Variants in IL1RAPL1 observed in about 807,000 individuals in gnomAD.
The protein encoded by IL1RAPL1 is interleukin-1 receptor accessory protein-like 1.
IL1RAPL1 carries 3 observed loss-of-function variants against 48.4 expected under a neutral mutation model. That is an observed-to-expected ratio of 0.06 (90% CI 0.03 to 0.16). The LOEUF is 0.16. IL1RAPL1 is among the 10% of genes least tolerant of loss of function. The pLI is 1.00. For synonymous variants in IL1RAPL1, 185 were observed against 187.7 expected (o/e 0.99, Z 0.12); for missense variants, 349 against 530.6 (o/e 0.66, Z 3.36).
intron 6 of IL1RAPL1, among the ~76,000 whole-genome samples, chrX:29,788,070 C>T (rs149261672): frequency 0.038 from 4,097 of 109,033 alleles, 162 homozygotes; most frequent in African/African-American, 0.13. Flanking sequence ...TACTGACAGA[C>T]AGTAAGTGCA....
chrX:29,221,603 C>A (rs1602119269), intron 2 of IL1RAPL1, among the ~76,000 whole-genome samples: 1 of 93,780 alleles, frequency 1.1e-5, no homozygotes. Flanking sequence ...GCCAAAGGAG[C>A]AATGTATACA....
intron 2 of IL1RAPL1, among the ~76,000 whole-genome samples, chrX:28,884,178 A>T (rs1922574500): frequency 8.9e-6 from 1 of 111,955 alleles, no homozygotes; most frequent in Non-Finnish European, 1.9e-5. Flanking sequence ...AGTATAATTT[A>T]AAAAATAAAT....
chrX:29,011,586 A>G lies in IL1RAPL1; in HGVS notation c.82+222161A>G, dbSNP rs1018131737. Among the ~76,000 whole-genome samples, 3 of 112,427 alleles carry G rather than the reference A, an allele frequency of 2.7e-5. No homozygotes were observed. The East Asian group carries it at 8.4e-4, about 31-fold the overall frequency. ...AACTGCAAACTAATCTGTAGTGACA[A>G]ACAACAGATCGGTGGTTGCCTAAAG... On this transcript the variant is annotated intron_variant, in intron 2 of 10. Transcript: ENST00000378993.
intron 2 of IL1RAPL1, among the ~76,000 whole-genome samples, chrX:28,937,883 T>C (rs1471194679): frequency 9.0e-6 from 1 of 110,925 alleles, no homozygotes; most frequent in African/African-American, 3.3e-5. Context: ...ACAGCCCAGC[T>C]GAGAGCCAAA....
At chrX:28,765,699 T>G (rs566725620) in intron 1 of IL1RAPL1, among the ~76,000 whole-genome samples, 23 of 111,925 alleles carry the variant, frequency 2.1e-4, no homozygotes, top group Middle Eastern at 4.7e-3. Context: ...ATTCTTACAC[T>G]GACTTAAAAA....
At chrX:28,971,732 A>C (rs1386557440) in intron 2 of IL1RAPL1, among the ~76,000 whole-genome samples, 1 of 111,387 alleles carries the variant, frequency 9.0e-6, no homozygotes, top group African/African-American at 3.3e-5. Context: ...GTGTGTGTTC[A>C]AGAGGAAGGT....
chrX:29,874,120 G>A (rs190664284), intron 6 of IL1RAPL1, among the ~76,000 whole-genome samples: 91 of 111,241 alleles, frequency 8.2e-4, no homozygotes, highest in African/African-American at 2.9e-3. Flanking sequence ...CTTCATTTTG[G>A]TGGATTTTGG....
In IL1RAPL1 at chrX:29,331,072, C is replaced by T. The variant is rs556698383; in HGVS notation, c.362+47855C>T. Among the ~76,000 whole-genome samples the T allele has an allele frequency of 6.3e-5, 7 of 111,022 alleles. No homozygotes were observed. The South Asian group carries it at 1.5e-3, about 24-fold the overall frequency. The stretch of plus-strand genomic sequence containing the variant: ...ATCCCAGCTACTCGGGAGGTTGAGG[C>T]GGGAGAATCGCTTCAACCCAGGAGG... On this transcript the variant is annotated intron_variant, in intron 3 of 10. Coordinates refer to ENST00000378993, the MANE Select transcript of IL1RAPL1 (RefSeq NM_014271.4).
intron 2 of IL1RAPL1, among the ~76,000 whole-genome samples, chrX:29,076,267 T>C (rs1927668300): frequency 8.9e-6 from 1 of 112,062 alleles, no homozygotes; most frequent in Admixed American, 9.5e-5. Context: ...ATTTATCTTC[T>C]TCTACCCTTC....
chrX:29,627,337 T>G (rs150753547), intron 5 of IL1RAPL1, among the ~76,000 whole-genome samples: 3,043 of 112,273 alleles, frequency 0.027, 97 homozygotes, highest in African/African-American at 0.094. Flanking sequence ...TGGTTTTGGT[T>G]TTCCAGAAAG....
intron 2 of IL1RAPL1, among the ~76,000 whole-genome samples, chrX:29,189,724 T>G: frequency 8.9e-6 from 1 of 111,879 alleles, no homozygotes; most frequent in Non-Finnish European, 1.9e-5. Context: ...GTTCATAAAT[T>G]ACTTGAATCA....
At chrX:29,465,332 T>C (rs1296586357) in intron 5 of IL1RAPL1, among the ~76,000 whole-genome samples, 1 of 111,226 alleles carries the variant, frequency 9.0e-6, no homozygotes, top group African/African-American at 3.3e-5. Flanking sequence ...CTTGAGCCCA[T>C]GAGGTTGAGG....
intron 3 of IL1RAPL1, among the ~76,000 whole-genome samples, chrX:29,341,088 G>C (rs1220062524): frequency 8.9e-6 from 1 of 111,817 alleles, no homozygotes; most frequent in Non-Finnish European, 1.9e-5. Context: ...TACTATTCCT[G>C]TGTTCCTAGT....
At chrX:29,813,549 T>TAAAAAATGAAA in intron 6 of IL1RAPL1, among the ~76,000 whole-genome samples, 1 of 111,954 alleles carries the variant, frequency 8.9e-6, no homozygotes, top group Non-Finnish European at 1.9e-5. Context: ...ATTTTCTTAA[T>TAAAAAATGAAA]GCTGGCTGCT....
intron 5 of IL1RAPL1, among the ~76,000 whole-genome samples, chrX:29,407,097 A>G (rs920173921): frequency 8.9e-6 from 1 of 111,841 alleles, no homozygotes; most frequent in Non-Finnish European, 1.9e-5. Context: ...TTTTAATAAT[A>G]ACATATATAA....
intron 1 of IL1RAPL1, among the ~76,000 whole-genome samples, chrX:28,635,004 G>T (rs1455923519): frequency 9.0e-6 from 1 of 111,307 alleles, no homozygotes; most frequent in Non-Finnish European, 1.9e-5. Context: ...TTGGGAGATA[G>T]AAATAATATC....
At chrX:29,879,387 GTGTGTGTGTA>G (rs1244008060) in intron 6 of IL1RAPL1, among the ~76,000 whole-genome samples, 1,122 of 100,657 alleles carry the variant, frequency 0.011, 8 homozygotes, top group African/African-American at 0.015. Flanking sequence ...GTGTGTGTGT[GTGTGTGTGTA>G]TATATATATA....
At chrX:28,844,478 T>G (rs111900568) in intron 2 of IL1RAPL1, among the ~76,000 whole-genome samples, 2,173 of 109,473 alleles carry the variant, frequency 0.02, 62 homozygotes, top group African/African-American at 0.068. Context: ...ATTCGACAGG[T>G]GGCCAATCAT....
At chrX:29,678,342 CTTTTTTTT>C (rs140827802) in intron 6 of IL1RAPL1, among the ~76,000 whole-genome samples, 3 of 41,708 alleles carry the variant, frequency 7.2e-5, no homozygotes, top group Non-Finnish European at 1.2e-4. Flanking sequence ...TTCAACACTA[CTTTTTTTT>C]TTTTTTTTTT....
Sources: allele counts gnomAD v4.1 joint callset (sites outside exome capture counted in the v4.1 genomes callset), GRCh38; gene constraint gnomAD v4.1.1; transcripts MANE v1.5; gene names NCBI Gene and HGNC (gene_info 2026-07-23, HGNC 2026-07-21).